Variants in DYSF observed in about 807,000 individuals in gnomAD.
DYSF encodes the protein dystrophy-associated fer-1-like 1.
DYSF carries 212 observed loss-of-function variants against 274.9 expected under a neutral mutation model. The observed-to-expected ratio is 0.77, with a 90% CI of 0.69 to 0.86. The LOEUF (loss-of-function observed/expected upper bound fraction) is 0.86, where lower values mean the gene tolerates loss of function less well. Ranked by LOEUF, DYSF falls within the 40% of genes least tolerant of loss-of-function variation. The pLI, the probability that DYSF is intolerant of heterozygous loss-of-function variation, is 0.00. For synonymous variants in DYSF, 1,091 were observed against 1,078.7 expected (o/e 1.01, Z -0.22); for missense variants, 2,666 against 2,783.2 (o/e 0.96, Z 0.95).
chr2:71,669,149 G>A lies in DYSF; in HGVS notation c.5584G>A (p.Val1862Met). The A allele has an allele frequency of 6.2e-7, 1 of 1,610,100 alleles. No homozygotes were observed. Among genetic ancestry groups the A allele is most frequent in the Non-Finnish European group, 8.5e-7 (1 of 1,178,330 alleles). ...TTGTATTATCTGGAATACCAGAGAT[G>A]TGATCCTGGATGACCTGAGCCTCAC... is the stretch of plus-strand genomic sequence containing the variant. The part of the protein sequence containing the change: ...LRCIIWNTRD[V>M]ILDDLSLTGE... Residue 1862 changes from valine to methionine, a missense_variant, in exon 50 of 56, where the codon GTG (valine) becomes ATG (methionine). Coordinates refer to ENST00000410020, the MANE Select transcript of DYSF (RefSeq NM_001130987.2).
intron 41 of DYSF, among the ~76,000 whole-genome samples, chr2:71,625,965 T>C (rs1022546620): frequency 6.6e-6 from 1 of 152,068 alleles, no homozygotes; most frequent in Non-Finnish European, 1.5e-5. Context: ...TGTATATAAA[T>C]GAAATCGATT....
At position 71,553,946 on chromosome 2, in the gene DYSF, GC is replaced by G; in HGVS notation, c.2109+18del. 6.2e-7 allele frequency: 1 copy of G among 1,614,080 alleles called. No homozygotes were observed. Among genetic ancestry groups the G allele is most frequent in the Non-Finnish European group, 8.5e-7 (1 of 1,179,994 alleles). On this transcript the variant is annotated intron_variant, in intron 21 of 55. Transcript: ENST00000410020. ...CTGACCGGCTGGTGAGTGAAAACTTGCCCAAAGCTGCACATGCCTATGCATG... is the reference window on the plus strand; with the variant it reads ...CTGACCGGCTGGTGAGTGAAAACTTGCCAAAGCTGCACATGCCTATGCATG...
rs886042758 is a variant in DYSF at position 71,682,605 on chromosome 2, G to T, written c.6249G>T (p.Arg2083=). 1.9e-6 allele frequency: 3 copies of T among 1,613,972 alleles called. No homozygotes were observed. Among genetic ancestry groups the T allele is most frequent in the Middle Eastern group, 1.6e-4 (1 of 6,084 alleles). The change falls in exon 55 of 56, where the codon CGG becomes CGT. Residue 2083 remains arginine, a synonymous_variant. Coordinates refer to ENST00000410020, the MANE Select transcript of DYSF (RefSeq NM_001130987.2). ...TMKFILWRRF[R]WAIILFIILF... Reference sequence around the variant, plus strand: ...AGTTCATCCTGTGGCGGCGTTTCCGGTGGGCCATCATCCTCTTCATCATCC... The same window carrying T: ...AGTTCATCCTGTGGCGGCGTTTCCGTTGGGCCATCATCCTCTTCATCATCC...
At chr2:71,649,538 C>CT (rs958462386) in intron 42 of DYSF, among the ~76,000 whole-genome samples, 1 of 151,878 alleles carries the variant, frequency 6.6e-6, no homozygotes, top group Non-Finnish European at 1.5e-5. Flanking sequence ...AATACTATGC[C>CT]TAAAGACATA....
chr2:71,579,438 G>T (rs962591981), intron 30 of DYSF, among the ~76,000 whole-genome samples: 1 of 152,194 alleles, frequency 6.6e-6, no homozygotes, highest in Non-Finnish European at 1.5e-5. Flanking sequence ...CTTGGGAGCT[G>T]TAGGAGCATC....
intron 40 of DYSF, among the ~76,000 whole-genome samples, chr2:71,617,047 A>G (rs2093900728): frequency 6.6e-6 from 1 of 152,154 alleles, no homozygotes; most frequent in South Asian, 2.1e-4. Context: ...AGCTCCAAAT[A>G]GAGGCTGTGC....
At chr2:71,572,545 G>C (rs1292221237) in intron 29 of DYSF, among the ~76,000 whole-genome samples, 1 of 152,262 alleles carries the variant, frequency 6.6e-6, no homozygotes, top group Non-Finnish European at 1.5e-5. Context: ...TTGGGGCAGT[G>C]CCCTCGGGAG....
chr2:71,514,583 T>C (rs1322571112), intron 7 of DYSF, among the ~76,000 whole-genome samples: 1 of 152,190 alleles, frequency 6.6e-6, no homozygotes, highest in Non-Finnish European at 1.5e-5. Context: ...TGCCTATTTT[T>C]TTTTTCTTTT....
chr2:71,518,927 T>C (rs1178630938), intron 10 of DYSF, among the ~76,000 whole-genome samples: 2 of 151,550 alleles, frequency 1.3e-5, no homozygotes, highest in Non-Finnish European at 2.9e-5. Context: ...ACCCCGCCTC[T>C]ACTAAAAATA....
chr2:71,526,474 A>C, intron 13 of DYSF, 128 bp downstream of exon 13: 2 of 1,369,912 alleles, frequency 1.5e-6, no homozygotes, highest in Non-Finnish European at 1.9e-6. Flanking sequence ...AACAATCAGA[A>C]TTTAACGAAA....
At chr2:71,534,143 A>G (rs2089053443) in intron 14 of DYSF, among the ~76,000 whole-genome samples, 1 of 152,184 alleles carries the variant, frequency 6.6e-6, no homozygotes, top group Non-Finnish European at 1.5e-5. Flanking sequence ...ACCCCTGGGG[A>G]CCTGAAGTCT....
intron 18 of DYSF, 41 bp from the exon 19 acceptor site, chr2:71,551,566 C>T (rs768602304): frequency 4.7e-5 from 73 of 1,551,920 alleles, no homozygotes; most frequent in Middle Eastern, 1.7e-4. Context: ...CCCTCCTCCC[C>T]TCTGTCTCCC....
At chr2:71,674,125 A>G in intron 51 of DYSF, 72 bp from the exon 52 acceptor site, 1 of 1,437,460 alleles carries the variant, frequency 7.0e-7, no homozygotes. Flanking sequence ...GCAGCCTTCC[A>G]GGCTGGAAGG....
chr2:71,678,422 A>C (rs1297016788), intron 52 of DYSF, among the ~76,000 whole-genome samples: 1 of 152,246 alleles, frequency 6.6e-6, no homozygotes, highest in Non-Finnish European at 1.5e-5. Context: ...AATCAAAATA[A>C]GCCAGACACA....
chr2:71,606,086 C>T (rs1005872652), intron 36 of DYSF, among the ~76,000 whole-genome samples: 4 of 152,164 alleles, frequency 2.6e-5, no homozygotes, highest in South Asian at 2.1e-4. Context: ...GCCCTGGGAG[C>T]GACTCCTGTC....
At chr2:71,553,982 C>T (rs751294343) in intron 21 of DYSF, 51 bp downstream of exon 21, 1 of 1,613,212 alleles carries the variant, frequency 6.2e-7, no homozygotes, top group Non-Finnish European at 8.5e-7. Context: ...GCACCTGCTA[C>T]CCCCGCTGCA....
At chr2:71,581,520 C>T (rs1460958731) in intron 30 of DYSF, among the ~76,000 whole-genome samples, 3 of 152,216 alleles carry the variant, frequency 2.0e-5, no homozygotes, top group African/African-American at 4.8e-5. Context: ...GAGGCTGGAG[C>T]AGCCAGGGAA....
At chr2:71,611,182 C>T in intron 36 of DYSF, 63 bp from the exon 37 acceptor site, 1 of 1,231,606 alleles carries the variant, frequency 8.1e-7, no homozygotes, top group African/African-American at 1.5e-5. Flanking sequence ...GTCCTTCTCT[C>T]TTGTCTTTTT....
At chr2:71,621,046 C>T (rs980961678) in intron 41 of DYSF, among the ~76,000 whole-genome samples, 4 of 152,084 alleles carry the variant, frequency 2.6e-5, no homozygotes, top group African/African-American at 4.8e-5. Flanking sequence ...GCTGGCCCCT[C>T]GGGTGCTAAG....
Sources: gnomAD v4.1 joint callset for allele counts (sites outside exome capture counted in the v4.1 genomes callset) on GRCh38, gnomAD v4.1.1 for gene constraint, MANE v1.5 for transcripts, NCBI Gene and HGNC (gene_info 2026-07-23, HGNC 2026-07-21) for gene names.